TASP1: variants seen among roughly 807,000 people sequenced by gnomAD.
The protein encoded by TASP1 is threonine aspartase 1.
TASP1 carries 16 observed loss-of-function variants against 56.6 expected under a neutral mutation model. The observed-to-expected ratio is 0.28, with a 90% CI of 0.19 to 0.43. The LOEUF (loss-of-function observed/expected upper bound fraction) is 0.43, where lower values mean the gene tolerates loss of function less well. TASP1 is among the 20% of genes least tolerant of loss of function. TASP1 has a pLI of 1.00. For synonymous variants in TASP1, 179 were observed against 184.2 expected, an observed-to-expected ratio of 0.97 and a Z score of 0.23; for missense variants, 393 against 511.6, an observed-to-expected ratio of 0.77 and a Z score of 2.24.
chr20:13,529,899 T>C (rs1048528365), intron 9 of TASP1, among the ~76,000 whole-genome samples: 1 of 152,174 alleles, frequency 6.6e-6, no homozygotes, highest in African/African-American at 2.4e-5. Context: ...CTTCTGACAC[T>C]GAGAACCTCA....
intron 4 of TASP1, among the ~76,000 whole-genome samples, chr20:13,604,637 A>G (rs2048079567): frequency 6.6e-6 from 1 of 152,224 alleles, no homozygotes; most frequent in African/African-American, 2.4e-5. Context: ...CCTTGAATAA[A>G]GTCTGCCTTA....
intron 4 of TASP1, among the ~76,000 whole-genome samples, chr20:13,590,094 T>C (rs1354810933): frequency 4.6e-5 from 7 of 152,086 alleles, no homozygotes; most frequent in East Asian, 3.9e-4. Context: ...CAGCTGGACA[T>C]GGTGGTGGTC....
At chr20:13,192,979 T>A in the TASP1 span, among the ~76,000 whole-genome samples, 2 of 152,178 alleles carry the variant, frequency 1.3e-5, no homozygotes, top group African/African-American at 2.4e-5. Context: ...AATATTCTGT[T>A]CAATGACACC....
chr20:13,143,685 G>C, the TASP1 span, among the ~76,000 whole-genome samples: 1 of 152,162 alleles, frequency 6.6e-6, no homozygotes, highest in East Asian at 1.9e-4. Flanking sequence ...CCCTAGCAAA[G>C]CTCTGGAAAC....
the TASP1 span, among the ~76,000 whole-genome samples, chr20:13,250,112 G>A: frequency 6.6e-6 from 1 of 152,224 alleles, no homozygotes; most frequent in Admixed American, 6.5e-5. Context: ...GAAATCTGGA[G>A]ATGGAAAACT....
chr20:13,233,923 GT>G, the TASP1 span, among the ~76,000 whole-genome samples: 6 of 152,158 alleles, frequency 3.9e-5, no homozygotes, highest in African/African-American at 1.4e-4. Flanking sequence ...TAAAATAAGA[GT>G]TTTAAGCCAT....
intron 10 of TASP1, among the ~76,000 whole-genome samples, chr20:13,494,807 T>C (rs2043661940): frequency 6.6e-6 from 1 of 152,074 alleles, no homozygotes; most frequent in Non-Finnish European, 1.5e-5. Context: ...GCACAACAGG[T>C]TCTGATACTA....
At chr20:13,384,870 G>C (rs1027973199), downstream of TASP1, among the ~76,000 whole-genome samples, 1 of 152,216 alleles carries the variant, frequency 6.6e-6, no homozygotes, top group African/African-American at 2.4e-5. Context: ...GTTCCTGGGA[G>C]GGGGAGTGGC....
chr20:13,411,994 C>T (rs924990785), intron 13 of TASP1, among the ~76,000 whole-genome samples: 78 of 152,178 alleles, frequency 5.1e-4, no homozygotes, highest in African/African-American at 1.8e-3. Flanking sequence ...TGATAAAGGA[C>T]CACTATGCTT....
At chr20:13,199,917 A>G in the TASP1 span, among the ~76,000 whole-genome samples, 1 of 152,184 alleles carries the variant, frequency 6.6e-6, no homozygotes, top group Non-Finnish European at 1.5e-5. Context: ...AGACTCAATA[A>G]CTTTTCCACT....
At chr20:13,293,617 T>G in the TASP1 span, among the ~76,000 whole-genome samples, 1 of 151,718 alleles carries the variant, frequency 6.6e-6, no homozygotes, top group Non-Finnish European at 1.5e-5. Context: ...GTAGAACAAG[T>G]CTCGAATAAA....
the TASP1 span, among the ~76,000 whole-genome samples, chr20:13,316,005 A>G: frequency 2.0e-5 from 3 of 152,008 alleles, no homozygotes; most frequent in Non-Finnish European, 4.4e-5. Flanking sequence ...TAGTGCTTAA[A>G]GGGAAACTCT....
intron 13 of TASP1, among the ~76,000 whole-genome samples, chr20:13,414,783 A>T (rs893987302): frequency 1.2e-4 from 19 of 152,098 alleles, no homozygotes; most frequent in African/African-American, 4.6e-4. Context: ...CAGTTTAGAA[A>T]TTAAATTAAA....
intron 10 of TASP1, among the ~76,000 whole-genome samples, chr20:13,513,494 T>C (rs2044413953): frequency 1.3e-5 from 2 of 151,900 alleles, no homozygotes; most frequent in African/African-American, 2.4e-5. Flanking sequence ...GATATTTAGC[T>C]CATCTCAGGC....
At chr20:13,633,420 T>C (rs891587525) in intron 1 of TASP1, among the ~76,000 whole-genome samples, 4 of 152,160 alleles carry the variant, frequency 2.6e-5, no homozygotes, top group Non-Finnish European at 5.9e-5. Flanking sequence ...GAATGAATTA[T>C]TTATAAAAAA....
intron 1 of TASP1, among the ~76,000 whole-genome samples, chr20:13,631,519 G>A (rs1275844096): frequency 6.6e-6 from 1 of 152,120 alleles, no homozygotes; most frequent in East Asian, 1.9e-4. Context: ...TTGATTTAGT[G>A]GTTCATCTGT....
chr20:13,342,869 G>T, the TASP1 span, among the ~76,000 whole-genome samples: 1 of 152,148 alleles, frequency 6.6e-6, no homozygotes, highest in Non-Finnish European at 1.5e-5. Flanking sequence ...ATCCAGCTCC[G>T]GTCACTTCTC....
intron 5 of TASP1, 46 bp from the exon 6 acceptor site, chr20:13,581,027 C>T: frequency 6.4e-7 from 1 of 1,554,308 alleles, no homozygotes; most frequent in East Asian, 2.3e-5. Context: ...TCAGAAATGT[C>T]TTCTAGTTTC....
chr20:13,545,804 A>G (rs942323400), intron 8 of TASP1, among the ~76,000 whole-genome samples: 1 of 152,138 alleles, frequency 6.6e-6, no homozygotes, highest in African/African-American at 2.4e-5. Context: ...CAGAAAACCT[A>G]CGGTGCAACC....
Sources: gnomAD v4.1 joint callset for allele counts (sites outside exome capture counted in the v4.1 genomes callset) on GRCh38, gnomAD v4.1.1 for gene constraint, MANE v1.5 for transcripts, NCBI Gene and HGNC (gene_info 2026-07-23, HGNC 2026-07-21) for gene names.